DAB2IP: variants seen among roughly 807,000 people sequenced by gnomAD.
DAB2IP encodes the protein disabled homolog 2-interacting protein.
A neutral mutation model predicts 107.2 loss-of-function variants in DAB2IP; 28 were observed. The observed-to-expected ratio is 0.26, with a 90% CI of 0.19 to 0.36. The LOEUF is 0.36. Ranked by LOEUF, DAB2IP falls within the 10% of genes least tolerant of loss-of-function variation. DAB2IP has a pLI of 1.00. For missense variants in DAB2IP, 1,400 were observed against 1,644.7 expected, an observed-to-expected ratio of 0.85 and a Z score of 2.57; for synonymous variants, 755 against 706.4, an observed-to-expected ratio of 1.07 and a Z score of -1.09.
chr9:121,688,180 C>A (rs1324386717), intron 2 of DAB2IP, among the ~76,000 whole-genome samples: 1 of 152,192 alleles, frequency 6.6e-6, no homozygotes, highest in African/African-American at 2.4e-5. Context: ...ATTTTCCCAC[C>A]TCCTCATGCT....
chr9:121,614,126 G>C (rs759214601), intron 1 of DAB2IP, among the ~76,000 whole-genome samples: 6 of 152,106 alleles, frequency 3.9e-5, no homozygotes, highest in Non-Finnish European at 8.8e-5. Flanking sequence ...GGCTTCATAG[G>C]TCTATGTTGT....
At chr9:121,608,577 G>C (rs901906542) in intron 1 of DAB2IP, among the ~76,000 whole-genome samples, 2 of 152,126 alleles carry the variant, frequency 1.3e-5, no homozygotes, top group Non-Finnish European at 2.9e-5. Context: ...AAGCAGAAAA[G>C]TACCATCAGG....
At position 121,580,759 on chromosome 9, in the gene DAB2IP, G is replaced by T. The variant is rs1236085668; in HGVS notation, c.40+13531G>T. On this transcript the variant is annotated intron_variant, in intron 1 of 16. Coordinates refer to the DAB2IP transcript ENST00000259371. ...CCTGCCTCAGCCTCCTGAGTAGCTG[G>T]GACTACAGGCGCCAACCACCACGCC... is the stretch of plus-strand genomic sequence containing the variant. Among the ~76,000 whole-genome samples, 3 of 152,156 alleles carry T rather than the reference G, an allele frequency of 2.0e-5. No homozygotes were observed. The East Asian group carries it at 5.8e-4, about 29-fold the overall frequency.
chr9:121,695,578 A>G (rs1014414788), intron 2 of DAB2IP, among the ~76,000 whole-genome samples: 7 of 152,176 alleles, frequency 4.6e-5, no homozygotes, highest in Admixed American at 4.6e-4. Context: ...GCCCAGTGGG[A>G]ATGGTCAGCA....
chr9:121,751,883 G>A (rs1012000197), intron 3 of DAB2IP: 66 of 981,214 alleles, frequency 6.7e-5, no homozygotes, highest in Non-Finnish European at 7.9e-5. Flanking sequence ...TCCAGGGCAG[G>A]TCACCCTAGC....
upstream of DAB2IP, among the ~76,000 whole-genome samples, chr9:121,651,004 A>G (rs1488137430): frequency 2.6e-5 from 4 of 152,156 alleles, no homozygotes; most frequent in East Asian, 1.9e-4. This position sits in a 1 kb window ranked among gnomAD's most constrained non-coding sequence, Gnocchi z 5.1. Context: ...AGCCAATGCA[A>G]TAGAGGGAGT....
chr9:121,740,504 G>A (rs1035251096), intron 3 of DAB2IP, among the ~76,000 whole-genome samples: 1 of 152,202 alleles, frequency 6.6e-6, no homozygotes, highest in African/African-American at 2.4e-5. Context: ...TACACCAAGG[G>A]TATTTCTCTG....
chr9:121,647,783 ACATATATACGTATATATACC>A (rs1384879775), upstream of DAB2IP, among the ~76,000 whole-genome samples: 3 of 151,226 alleles, frequency 2.0e-5, no homozygotes, highest in Non-Finnish European at 4.4e-5. Context: ...ACATAAACAC[ACATATATACGTATATATACC>A]CATATATACA....
chr9:121,636,652 G>A (rs930775310), intron 1 of DAB2IP, among the ~76,000 whole-genome samples: 9 of 152,218 alleles, frequency 5.9e-5, no homozygotes, highest in African/African-American at 2.2e-4. Context: ...AGCTTGGCCT[G>A]TGGGTGCATG....
intron 1 of DAB2IP, among the ~76,000 whole-genome samples, chr9:121,655,984 G>A (rs1367848231): frequency 1.3e-5 from 2 of 152,052 alleles, no homozygotes; most frequent in African/African-American, 4.8e-5. Flanking sequence ...CCACCATGGG[G>A]GGTGGGTAAC....
At chr9:121,665,314 C>G (rs1039821996) in intron 1 of DAB2IP, among the ~76,000 whole-genome samples, 7 of 151,956 alleles carry the variant, frequency 4.6e-5, no homozygotes, top group Non-Finnish European at 1.0e-4. Context: ...CGGAGACCAC[C>G]CTGGCCAACA....
intron 1 of DAB2IP, among the ~76,000 whole-genome samples, chr9:121,620,549 A>G (rs1831426117): frequency 6.6e-6 from 1 of 152,210 alleles, no homozygotes; most frequent in African/African-American, 2.4e-5. Flanking sequence ...TAGCTAATAC[A>G]TATCAGGTCC....
chr9:121,713,253 C>T (rs1226631863), intron 3 of DAB2IP, among the ~76,000 whole-genome samples: 1 of 152,322 alleles, frequency 6.6e-6, no homozygotes, highest in South Asian at 2.1e-4. Context: ...TCCTCTTGGC[C>T]ACCAAGAAAC....
rs1834858369 is a variant in DAB2IP at position 121,772,766 on chromosome 9, C to T, written c.2238C>T (p.Leu746=). The T allele has an allele frequency of 8.1e-6, 13 of 1,613,842 alleles. No homozygotes were observed. Among genetic ancestry groups the T allele is most frequent in the East Asian group, 2.2e-5 (1 of 44,888 alleles). Residue 746 remains leucine, a synonymous_variant, in exon 12 of 16, where the codon CTC becomes CTT. Coordinates refer to ENST00000408936, the Ensembl canonical transcript of DAB2IP. This position sits in a 1 kb window ranked among gnomAD's most constrained non-coding sequence, Gnocchi z 4.7. ...AGATGGCCAACGGTGGCAAGAGCCT[C>T]TCCATGGTGGACCTCCAGGACGCCC...
At chr9:121,766,409 G>C (rs1217392253) in intron 8 of DAB2IP, 85 bp from the exon 9 acceptor site, 2 of 1,318,546 alleles carry the variant, frequency 1.5e-6, no homozygotes, top group African/African-American at 2.9e-5. Flanking sequence ...TAGAGCCAAG[G>C]TTGGAATGCA....
At chr9:121,575,729 C>A (rs1322765541) in intron 1 of DAB2IP, among the ~76,000 whole-genome samples, 7 of 152,068 alleles carry the variant, frequency 4.6e-5, no homozygotes, top group African/African-American at 1.7e-4. Flanking sequence ...CCTTCTGCTC[C>A]CACTGCCCCG....
At chr9:121,697,035 G>A (rs1235060001) in intron 2 of DAB2IP, among the ~76,000 whole-genome samples, 1 of 152,166 alleles carries the variant, frequency 6.6e-6, no homozygotes, top group African/African-American at 2.4e-5. Context: ...GGTATTAGGA[G>A]TCCCCAAGGT....
At chr9:121,629,607 C>G (rs543345633) in intron 1 of DAB2IP, among the ~76,000 whole-genome samples, 41 of 152,276 alleles carry the variant, frequency 2.7e-4, no homozygotes, top group African/African-American at 9.1e-4. Flanking sequence ...GGGAGGCGGC[C>G]AGGGCCCCTG....
intron 1 of DAB2IP, among the ~76,000 whole-genome samples, chr9:121,640,129 A>C (rs1832229113): frequency 6.6e-6 from 1 of 152,124 alleles, no homozygotes; most frequent in African/African-American, 2.4e-5. Context: ...CTTCCTGTGC[A>C]TCGCCCCAGG....
Sources: gnomAD v4.1 joint callset for allele counts (sites outside exome capture counted in the v4.1 genomes callset) on GRCh38, gnomAD v4.1.1 for gene constraint, Gnocchi (gnomAD v3.1) non-coding constraint, MANE v1.5 for transcripts, NCBI Gene and HGNC (gene_info 2026-07-23, HGNC 2026-07-21) for gene names.